PHLDA3: variants seen among roughly 807,000 people sequenced by gnomAD.
The protein encoded by PHLDA3 is pleckstrin homology like domain family A member 3.
PHLDA3 carries 12 observed loss-of-function variants against 7.6 expected under a neutral mutation model. That is an observed-to-expected ratio of 1.58 (90% CI 1.01 to 2.55). PHLDA3 has a LOEUF of 2.55. PHLDA3 is among the 30% of genes most tolerant of loss of function. PHLDA3 has a pLI of 0.00. For missense variants in PHLDA3, 177 were observed against 175.6 expected, an observed-to-expected ratio of 1.01 and a Z score of -0.05; for synonymous variants, 104 against 85.1, an observed-to-expected ratio of 1.22 and a Z score of -1.23.
chr1:201,468,622 G>T lies in PHLDA3; in HGVS notation c.165C>A (p.Phe55Leu), dbSNP rs778745850. ...GTGGRPKELS[F>L]ARIKAVECVE... ...CGCACTCCACGGCCTTGATGCGGGC[G>T]AAGCTGAGCTCCTTGGGCCGGCCGC... The change falls in exon 1 of 2, where the codon TTC becomes TTA. Residue 55 changes from phenylalanine (F) to leucine (L), a missense_variant. Coordinates refer to ENST00000367311, the MANE Select transcript of PHLDA3 (RefSeq NM_012396.5). 1.2e-5 allele frequency: 19 copies of T among 1,613,494 alleles called. No individual in the cohort carries two copies. In the East Asian group the frequency reaches 4.0e-4, roughly 34 times the overall value.
At position 201,464,950 on chromosome 1, in the gene PHLDA3, G is replaced by A. The variant is rs1424803538; in HGVS notation, c.*1291C>T. On this transcript the variant is annotated 3_prime_UTR_variant, in exon 2 of 2. Transcript: ENST00000367311. ...GCCTCAGCCTCCCCCAGTAGCTGGG[G>A]CTATAGGTGTGTGCCACCTCACCTG... The A allele has an allele frequency of 1.3e-5, 2 of 152,116 alleles. No individual in the cohort carries two copies. The highest frequency in any genetic ancestry group is 4.8e-5 in the African/African-American group (2 of 41,398). 9.4% of individuals were successfully genotyped at this position (152,116 alleles called of 1,614,324 possible).
At chr1:201,468,263 T>G (rs1663722520) in intron 1 of PHLDA3, 78 bp downstream of exon 1, 1 of 1,012,060 alleles carries the variant, frequency 9.9e-7, no homozygotes, top group Non-Finnish European at 1.4e-6. Context: ...TGAAGTAGAA[T>G]GCTAGTCCTC....
At chr1:201,468,160 G>A (rs1463845368) in intron 1 of PHLDA3, among the ~76,000 whole-genome samples, 181 bp downstream of exon 1, 1 of 152,272 alleles carries the variant, frequency 6.6e-6, no homozygotes, top group East Asian at 1.9e-4. Flanking sequence ...TGGTGCCTCA[G>A]GGGAAAGTCC....
In PHLDA3 at chr1:201,468,794, C is replaced by T. The variant is rs368432823; in HGVS notation, c.-8G>A. 1 of 1,536,852 alleles carries T rather than the reference C, an allele frequency of 6.5e-7. No individual in the cohort carries two copies. On this transcript the variant is annotated 5_prime_UTR_variant, in exon 1 of 2. Coordinates refer to ENST00000367311, the MANE Select transcript of PHLDA3 (RefSeq NM_012396.5). The stretch of plus-strand genomic sequence containing the variant: ...CGTCGCCGCCGCCGTCATGGGCGCC[C>T]CGAGGTTCGCGGAAAGCTCCAGGCT...
chr1:201,468,757 G>A lies in PHLDA3; in HGVS notation c.30C>T (p.Leu10=), dbSNP rs1383840227. 2 of 1,581,556 alleles carry A rather than the reference G, an allele frequency of 1.3e-6. 1 individual carries two copies. The highest frequency in any genetic ancestry group is 1.7e-6 in the Non-Finnish European group (2 of 1,170,852). The change falls in exon 1 of 2, where the codon CTC becomes CTT. Residue 10 remains leucine, a synonymous_variant. Transcript: ENST00000367311. MTAAATATV[L]KEGVLEKRSG... ...TGCGCTTCTCCAGCACGCCCTCCTT[G>A]AGCACGGTAGCCGTCGCCGCCGCCG... is the stretch of plus-strand genomic sequence containing the variant.
At chr1:201,467,823 G>A (rs1450234848) in intron 1 of PHLDA3, among the ~76,000 whole-genome samples, 1 of 152,204 alleles carries the variant, frequency 6.6e-6, no homozygotes, top group Non-Finnish European at 1.5e-5. Context: ...TCGCCATCTG[G>A]GAGATACTGT....
rs1314148981 is a variant in PHLDA3, at chr1:201,468,590, C to T, written c.197G>A (p.Ser66Asn). ...CGTGAAGTAGATGTGGCGCCCGGTG[C>T]TCTCCACGCACTCCACGGCCTTGAT... ...ARIKAVECVE[S>N]TGRHIYFTLV... Residue 66 changes from serine to asparagine, a missense_variant, in exon 1 of 2, where the codon AGC (serine) becomes AAC (asparagine). Coordinates refer to ENST00000367311, the MANE Select transcript of PHLDA3 (RefSeq NM_012396.5). 1.9e-6 allele frequency: 3 copies of T among 1,613,814 alleles called. No homozygotes were observed. Among genetic ancestry groups the T allele is most frequent in the Non-Finnish European group, 2.5e-6 (3 of 1,180,036 alleles).
chr1:201,469,033 C>T lies in PHLDA3; in HGVS notation c.-247G>A, dbSNP rs1297971226. ...CCGGCACCCGCTCCTCCGCTCTACC[C>T]CAGCTGGCCCAGCCCGACCCGCCTC... On this transcript the variant is annotated 5_prime_UTR_variant, in exon 1 of 2. Transcript: ENST00000367311. The T allele has an allele frequency of 1.2e-5, 5 of 403,358 alleles. No individual in the cohort carries two copies. Among genetic ancestry groups the T allele is most frequent in the Non-Finnish European group, 2.1e-5 (5 of 234,602 alleles). The allele number at this position is 403,358 out of a possible 1,614,324, so 25.0% of individuals were successfully genotyped here.
rs1391300782 is a variant in PHLDA3 at position 201,464,558 on chromosome 1, A to T, written c.*1683T>A. 2.6e-5 allele frequency: 4 copies of T among 152,220 alleles called. No homozygotes were observed. The highest frequency in any genetic ancestry group is 9.7e-5 in the African/African-American group (4 of 41,434). The allele number at this position is 152,220 out of a possible 1,614,324, so 9.4% of individuals were successfully genotyped here. On this transcript the variant is annotated 3_prime_UTR_variant, in exon 2 of 2. Transcript: ENST00000367311. ...GCGAGAGAAATCTGAACGGGAACAA[A>T]ACAGGTTGGAAGCACAAAACAATTA...
rs1041576884 is a variant in PHLDA3 at position 201,468,329 on chromosome 1, C to T, written c.*62+12G>A. 4 of 1,546,690 alleles carry T rather than the reference C, an allele frequency of 2.6e-6. No individual in the cohort carries two copies. In the Admixed American group the frequency reaches 5.7e-5, roughly 22 times the overall value. ...GAAGGAGAGAAGAGGGCCCAGTCCCCCGGGGGCTTACCTGCCTTGACCTCA... is the reference window on the plus strand; with the variant it reads ...GAAGGAGAGAAGAGGGCCCAGTCCCTCGGGGGCTTACCTGCCTTGACCTCA... On this transcript the variant is annotated intron_variant, in intron 1 of 1. Transcript: ENST00000367311.
rs773847325 is a variant in PHLDA3 at position 201,468,392 on chromosome 1, C to A, written c.*11G>T. The A allele has an allele frequency of 6.2e-7, 1 of 1,613,666 alleles. No individual in the cohort carries two copies. The highest frequency in any genetic ancestry group is 1.7e-5 in the Admixed American group (1 of 59,894). Reference sequence around the variant, plus strand: ...TGGGTAGCATGAAGGAAAGATGGTGCGCCCGGTGGTTTAGGACACGAGGGT... The same window carrying A: ...TGGGTAGCATGAAGGAAAGATGGTGAGCCCGGTGGTTTAGGACACGAGGGT... On this transcript the variant is annotated 3_prime_UTR_variant, in exon 1 of 2. Coordinates refer to ENST00000367311, the MANE Select transcript of PHLDA3 (RefSeq NM_012396.5).
chr1:201,468,681 G>C lies in PHLDA3; in HGVS notation c.106C>G (p.Arg36Gly), dbSNP rs377277868. 22 of 1,611,666 alleles carry C rather than the reference G, an allele frequency of 1.4e-5. No homozygotes were observed. The highest frequency in any genetic ancestry group is 1.8e-5 in the Non-Finnish European group (21 of 1,179,734). ...TTGGCCTCGAAGAGCTGCAGCCCGC[G>C]TTCGGTGAGGACGCAGCGCTTCCGC... is the stretch of plus-strand genomic sequence containing the variant. ...WKRKRCVLTE[R>G]GLQLFEAKGT... The change falls in exon 1 of 2, where the codon CGC becomes GGC. Residue 36 changes from arginine to glycine, a missense_variant. Coordinates refer to ENST00000367311, the MANE Select transcript of PHLDA3 (RefSeq NM_012396.5).
At chr1:201,466,517 T>C (rs1445314921) in intron 1 of PHLDA3, 1 of 152,060 alleles carries the variant, frequency 6.6e-6, no homozygotes, top group Non-Finnish European at 1.5e-5. Flanking sequence ...GTTGAAGACA[T>C]CTGCAGGCGG....
intron 1 of PHLDA3, chr1:201,467,721 G>A: frequency 6.5e-6 from 1 of 153,176 alleles, no homozygotes; most frequent in Non-Finnish European, 1.4e-5. Context: ...GCCCAGTCCA[G>A]CCAAGGCGGC....
Position 201,469,100 on chromosome 1 carries a change from GC to G in PHLDA3, c.-315del. On this transcript the variant is annotated 5_prime_UTR_variant, in exon 1 of 2. Transcript: ENST00000367311. ...GCCTCCCTAGGCCGTGAGCCCCACC[GC>G]CCGCCCGTTCTCTTGCTCCCCTGGG... The G allele has an allele frequency of 3.4e-6, 1 of 297,538 alleles. No homozygotes were observed. 18.4% of individuals were successfully genotyped at this position (297,538 alleles called of 1,614,324 possible).
In PHLDA3 at chr1:201,465,744, G is replaced by A. The variant is rs745982760; in HGVS notation, c.*497C>T. The stretch of plus-strand genomic sequence containing the variant: ...TCCCCCTTCTCAAGGTGAGTCCAGA[G>A]GCCATTCTGGAGTGGGCCTGGGTAC... On this transcript the variant is annotated 3_prime_UTR_variant, in exon 2 of 2. Transcript: ENST00000367311. The A allele has an allele frequency of 6.5e-6, 1 of 154,934 alleles. No individual in the cohort carries two copies. Among genetic ancestry groups the A allele is most frequent in the South Asian group, 2.0e-4 (1 of 4,922 alleles). The allele number at this position is 154,934 out of a possible 1,614,324, so 9.6% of individuals were successfully genotyped here. A position where few individuals can be genotyped will look rare whatever the true frequency, so the allele number is the denominator to read the frequency against.
rs576217171 is a variant in PHLDA3 at position 201,465,390 on chromosome 1, G to A, written c.*851C>T. The A allele has an allele frequency of 6.5e-6, 1 of 152,810 alleles. No homozygotes were observed. The highest frequency in any genetic ancestry group is 2.4e-5 in the African/African-American group (1 of 41,578). 9.5% of individuals were successfully genotyped at this position (152,810 alleles called of 1,614,324 possible). On this transcript the variant is annotated 3_prime_UTR_variant, in exon 2 of 2. Transcript: ENST00000367311. Reference sequence around the variant, plus strand: ...GGTTTTAGTGTCTCTGCCTATCCAGGCTGGAGACTTCAGAATGGGTTGCAA... The same window carrying A: ...GGTTTTAGTGTCTCTGCCTATCCAGACTGGAGACTTCAGAATGGGTTGCAA...
chr1:201,464,873 T>G lies in PHLDA3; in HGVS notation c.*1368A>C, dbSNP rs1663623368. On this transcript the variant is annotated 3_prime_UTR_variant, in exon 2 of 2. Transcript: ENST00000367311. ...TGTCACCTAGGCTGGAGTGCAGTGGTGCCATCTCAGCTCACTGTAACCTCT... is the reference window on the plus strand; with the variant it reads ...TGTCACCTAGGCTGGAGTGCAGTGGGGCCATCTCAGCTCACTGTAACCTCT... 1 of 152,184 alleles carries G rather than the reference T, an allele frequency of 6.6e-6. No homozygotes were observed. The highest frequency in any genetic ancestry group is 1.5e-5 in the Non-Finnish European group (1 of 68,060). 9.4% of individuals were successfully genotyped at this position (152,184 alleles called of 1,614,324 possible).
chr1:201,464,805 G>A lies in PHLDA3; in HGVS notation c.*1436C>T, dbSNP rs1051132715. On this transcript the variant is annotated 3_prime_UTR_variant, in exon 2 of 2. Coordinates refer to ENST00000367311, the MANE Select transcript of PHLDA3 (RefSeq NM_012396.5). ...AGCTATTGTCTGTACCTGTTTTCCC[G>A]TTTTTTTTGTTGTTGTTGTTTTGAG... 6.9e-6 allele frequency: 1 copy of A among 144,532 alleles called. No homozygotes were observed. The allele number at this position is 144,532 out of a possible 1,614,324, so 9.0% of individuals were successfully genotyped here. A position where few individuals can be genotyped will look rare whatever the true frequency, so the allele number is the denominator to read the frequency against.
Sources: allele counts gnomAD v4.1 joint callset (sites outside exome capture counted in the v4.1 genomes callset), GRCh38; gene constraint gnomAD v4.1.1; transcripts MANE v1.5; gene names NCBI Gene and HGNC (gene_info 2026-07-23, HGNC 2026-07-21).